The following ANK2 variants were observed in gnomAD, a reference collection of about 807,000 sequenced individuals.
ANK2 encodes ankyrin 2.
In ANK2, 83 loss-of-function variants were observed where a neutral mutation model predicts 360.5. The observed-to-expected ratio is 0.23, with a 90% CI of 0.19 to 0.28. The LOEUF (loss-of-function observed/expected upper bound fraction) is 0.28. Ranked by LOEUF, ANK2 falls within the 10% of genes least tolerant of loss-of-function variation. ANK2 has a pLI of 1.00. For synonymous variants in ANK2, 1,740 were observed against 1,759.5 expected, an observed-to-expected ratio of 0.99 and a Z score of 0.28; for missense variants, 4,201 against 4,795.7, an observed-to-expected ratio of 0.88 and a Z score of 3.66.
intron 1 of ANK2, among the ~76,000 whole-genome samples, chr4:113,169,372 T>C (rs1269005453): frequency 6.6e-6 from 1 of 152,226 alleles, no homozygotes; most frequent in African/African-American, 2.4e-5. Flanking sequence ...GTATTCTTAT[T>C]AAAGTTTTTC....
At chr4:113,073,874 G>A (rs17045524) in intron 1 of ANK2, among the ~76,000 whole-genome samples, 1,984 of 152,270 alleles carry the variant, frequency 0.013, 42 homozygotes, top group African/African-American at 0.044. Flanking sequence ...TATGCCCTAC[G>A]TTGGATGCCA....
intron 2 of ANK2, among the ~76,000 whole-genome samples, chr4:112,916,247 C>G (rs2089790116): frequency 1.3e-5 from 2 of 152,066 alleles, no homozygotes; most frequent in South Asian, 4.1e-4. Context: ...AATATTAAAC[C>G]TAATAGTTTA....
At chr4:113,367,012 A>G (rs59096852) in intron 41 of ANK2, among the ~76,000 whole-genome samples, 2,526 of 152,298 alleles carry the variant, frequency 0.017, 76 homozygotes, top group African/African-American at 0.057. Flanking sequence ...CCTGGATATA[A>G]TGAAATTCCT....
At chr4:113,373,750 C>T (rs928827635) in intron 45 of ANK2, 19 of 520,474 alleles carry the variant, frequency 3.7e-5, no homozygotes, top group Non-Finnish European at 6.2e-5. Flanking sequence ...TGAAAGAATA[C>T]AATTCTATTT....
chr4:113,342,338 C>T (rs1213374218), intron 33 of ANK2, among the ~76,000 whole-genome samples: 1 of 152,062 alleles, frequency 6.6e-6, no homozygotes, highest in Non-Finnish European at 1.5e-5. Context: ...TTTCTTATTT[C>T]AGAATTTTCC....
intron 2 of ANK2, among the ~76,000 whole-genome samples, chr4:113,003,762 C>T (rs77306344): frequency 8.5e-4 from 129 of 152,270 alleles, no homozygotes; most frequent in African/African-American, 2.9e-3. Context: ...AGTCATGTGT[C>T]GCTTAACGAC....
chr4:113,178,078 G>T (rs924301172), intron 2 of ANK2, among the ~76,000 whole-genome samples: 3 of 151,842 alleles, frequency 2.0e-5, no homozygotes, highest in Non-Finnish European at 4.4e-5. Flanking sequence ...TCCCTGACTC[G>T]CCAGGTATAA....
chr4:113,364,168 T>C (rs1589154026), intron 40 of ANK2, among the ~76,000 whole-genome samples: 1 of 152,184 alleles, frequency 6.6e-6, no homozygotes, highest in African/African-American at 2.4e-5. Context: ...CCATCACGCA[T>C]TGGTTCCTCA....
chr4:112,994,077 G>A (rs994042317), intron 2 of ANK2, among the ~76,000 whole-genome samples: 1 of 152,174 alleles, frequency 6.6e-6, no homozygotes, highest in African/African-American at 2.4e-5. Context: ...AACATCTCAC[G>A]TATTGCTAGC....
Position 113,063,761 on chromosome 4 carries a change from A to G in ANK2, c.84+13949A>G, listed in dbSNP as rs572660484. Among the ~76,000 whole-genome samples, 3 of 152,280 alleles carry G rather than the reference A, an allele frequency of 2.0e-5. No homozygotes were observed. The East Asian group carries it at 5.8e-4, about 29-fold the overall frequency. On this transcript the variant is annotated intron_variant, in intron 1 of 45. Coordinates refer to ENST00000357077, the MANE Select transcript of ANK2 (RefSeq NM_001148.6). ...TCTAAGATAATGAAACTGAACTCTT[A>G]GTGTGAGTTTAGAAGTGAGGCTGAA...
At chr4:112,841,864 T>C (rs1167511272) in intron 1 of ANK2, among the ~76,000 whole-genome samples, 1 of 152,098 alleles carries the variant, frequency 6.6e-6, no homozygotes, top group African/African-American at 2.4e-5. Flanking sequence ...TTGACCCCAC[T>C]GAAAATCCAA....
chr4:113,161,051 T>A (rs542941521), intron 1 of ANK2, among the ~76,000 whole-genome samples: 1 of 152,376 alleles, frequency 6.6e-6, no homozygotes, highest in East Asian at 1.9e-4. Context: ...GACTTTTCTT[T>A]TAAAAGAAGA....
the ANK2 span, among the ~76,000 whole-genome samples, chr4:112,746,479 G>C: frequency 6.9e-6 from 1 of 145,662 alleles, no homozygotes; most frequent in Non-Finnish European, 1.5e-5. Flanking sequence ...CTGCACTCCA[G>C]CTTGGGCAAC....
At chr4:113,184,688 A>T (rs6832486) in intron 2 of ANK2, among the ~76,000 whole-genome samples, 77,881 of 151,552 alleles carry the variant, frequency 0.51, 21,210 homozygotes, top group African/African-American at 0.72. Flanking sequence ...ATTCTGTTTT[A>T]TGGCTGATCA....
Position 113,357,476 on chromosome 4 carries a change from G to A in ANK2, c.8858G>A (p.Ser2953Asn). 1 of 1,614,076 alleles carries A rather than the reference G, an allele frequency of 6.2e-7. No individual in the cohort carries two copies. Residue 2953 changes from serine to asparagine, a missense_variant, in exon 38 of 46, where the codon AGT becomes AAT. Ser to Asn is a conservative substitution (Grantham distance 46). This residue lies in a region of ANK2 where 2,642 missense variants were observed against 2,714.5 expected (regional missense o/e 0.97). Transcript: ENST00000357077. ...CAAACAGATGCAAATCACACCACAAGTTTTCACTCTTCTGAAGTGTATTCT... is the reference window on the plus strand; with the variant it reads ...CAAACAGATGCAAATCACACCACAAATTTTCACTCTTCTGAAGTGTATTCT... ...KTQTDANHTT[S>N]FHSSEVYSVT... is the part of the protein sequence containing the mutation.
chr4:113,161,249 C>T (rs1366032845), intron 1 of ANK2, among the ~76,000 whole-genome samples: 3 of 152,160 alleles, frequency 2.0e-5, no homozygotes, highest in Non-Finnish European at 4.4e-5. Flanking sequence ...TTCAGATATT[C>T]TTTGAAATAC....
the ANK2 span, chr4:112,787,957 A>G: frequency 3.2e-5 from 20 of 623,234 alleles, 1 homozygote; most frequent in South Asian, 3.3e-4. Flanking sequence ...TGATCATTAT[A>G]TGATCATTAA....
At chr4:113,252,453 G>A (rs558850723) in intron 10 of ANK2, among the ~76,000 whole-genome samples, 2 of 152,164 alleles carry the variant, frequency 1.3e-5, no homozygotes, top group South Asian at 2.1e-4. Flanking sequence ...GTCAATTCTA[G>A]CTCTCAGCAA....
intron 4 of ANK2, among the ~76,000 whole-genome samples, chr4:113,200,946 T>C (rs1399824902): frequency 6.6e-6 from 1 of 151,958 alleles, no homozygotes; most frequent in Non-Finnish European, 1.5e-5. Context: ...AGATGACGGG[T>C]TGATGGGTGC....
Sources: allele counts gnomAD v4.1 joint callset (sites outside exome capture counted in the v4.1 genomes callset), GRCh38; gene constraint gnomAD v4.1.1; regional missense constraint gnomAD v4.1.1; transcripts MANE v1.5; gene names NCBI Gene and HGNC (gene_info 2026-07-23, HGNC 2026-07-21).